Variants in AP2M1 observed in about 807,000 individuals in gnomAD.
The protein encoded by AP2M1 is adaptor related protein complex 2 subunit mu 1, also known as AP-2 complex subunit mu.
Under a neutral mutation model 54.5 loss-of-function variants are expected in AP2M1, and 5 were observed. That is an observed-to-expected ratio of 0.09 (90% CI 0.05 to 0.19). AP2M1 has a LOEUF of 0.19. Among genes scored for constraint, AP2M1 ranks in the 10% least tolerant of loss-of-function variants. The probability of loss-of-function intolerance (pLI) is 1.00; values close to 1 mark genes in which losing one functional copy is unlikely to be tolerated. For synonymous variants in AP2M1, 186 were observed against 208.2 expected (o/e 0.89, Z 0.92); for missense variants, 178 against 580.2 (o/e 0.31, Z 7.12).
intron 1 of AP2M1, chr3:184,175,201 A>G (rs907874819): frequency 2.3e-5 from 9 of 386,918 alleles, no homozygotes; most frequent in African/African-American, 1.2e-4. Context: ...TGAGAGGGAT[A>G]CCGCTTGGAA....
rs1468616148 is a variant in AP2M1, at chr3:184,178,182, G to A, written c.75-675G>A. On this transcript the variant is annotated intron_variant, in intron 2 of 11. Coordinates refer to ENST00000292807, the MANE Select transcript of AP2M1 (RefSeq NM_004068.4). The surrounding 1 kb of genome is among the most constrained non-coding windows in gnomAD (Gnocchi z 4.9). ...CTATCACTCTCCTCTTCTTGCTGGC[G>A]TCATTTCTCTCATCCCATCTCATTG... 1.2e-5 allele frequency: 19 copies of A among 1,534,724 alleles called. No individual in the cohort carries two copies. The highest frequency in any genetic ancestry group is 4.1e-5 in the African/African-American group (3 of 73,022).
At position 184,180,091 on chromosome 3, in the gene AP2M1, G is replaced by A. The variant is rs146286871; in HGVS notation, c.341-78G>A. On this transcript the variant is annotated intron_variant, in intron 3 of 11. Transcript: ENST00000292807. The surrounding 1 kb of genome is among the most constrained non-coding windows in gnomAD (Gnocchi z 4.9). The stretch of plus-strand genomic sequence containing the variant: ...CCACATGGGCTTTGGGAGCTGTGCC[G>A]GTCAGATGTGTAGGCCCAAGTAGGG... 8.7e-6 allele frequency: 12 copies of A among 1,381,622 alleles called. No individual in the cohort carries two copies. Among genetic ancestry groups the A allele is most frequent in the South Asian group, 2.4e-5 (2 of 84,568 alleles). The allele number at this position is 1,381,622 out of a possible 1,614,324, so 85.6% of individuals were successfully genotyped here.
Position 184,182,292 on chromosome 3 carries a change from A to T in AP2M1, c.1061+44A>T. The T allele has an allele frequency of 6.3e-7, 1 of 1,588,864 alleles. No individual in the cohort carries two copies. The highest frequency in any genetic ancestry group is 8.6e-7 in the Non-Finnish European group (1 of 1,164,030). On this transcript the variant is annotated intron_variant, in intron 10 of 11. Transcript: ENST00000292807. This position sits in a 1 kb window ranked among gnomAD's most constrained non-coding sequence, Gnocchi z 5.5. ...AGGCCACAGCAGGGCTCAAGATCCC[A>T]GTATACCCTCTTGTTTTCAGCTTTG...
At chr3:184,175,759 C>T (rs1046094598) in intron 1 of AP2M1, among the ~76,000 whole-genome samples, 1 of 152,136 alleles carries the variant, frequency 6.6e-6, no homozygotes, top group African/African-American at 2.4e-5. Flanking sequence ...GTGCCCTTCG[C>T]TACCTACCAC....
In AP2M1 at chr3:184,181,685, CCT is replaced by C. The variant is rs1715278658; in HGVS notation, c.708-10_708-9del. The C allele has an allele frequency of 6.2e-7, 1 of 1,613,536 alleles. No individual in the cohort carries two copies. Among genetic ancestry groups the C allele is most frequent in the African/African-American group, 1.3e-5 (1 of 74,914 alleles). On this transcript the variant is annotated splice_polypyrimidine_tract_variant and intron_variant, in intron 7 of 11. Transcript: ENST00000292807. The surrounding 1 kb of genome is among the most constrained non-coding windows in gnomAD (Gnocchi z 5.7). ...CTGTACCAATGAGACCTCTTCTGCC[CCT>C]GCTTGCAGCGGGAAGCAATCAATTG...
rs1006265324 is a variant in AP2M1 at position 184,182,241 on chromosome 3, G to A, written c.1054G>A (p.Val352Met). The A allele has an allele frequency of 3.1e-6, 5 of 1,613,902 alleles. No individual in the cohort carries two copies. Among genetic ancestry groups the A allele is most frequent in the Non-Finnish European group, 4.2e-6 (5 of 1,179,986 alleles). The change falls in exon 10 of 12, where the codon GTG becomes ATG. Residue 352 changes from valine to methionine, a missense_variant. Physicochemically the swap from Val to Met is conservative, Grantham distance 21. Around this residue, in one of 5 missense-constraint regions of AP2M1, gnomAD observed 59 missense variants for 176.8 expected, o/e 0.33. Transcript: ENST00000292807. The surrounding 1 kb of genome is among the most constrained non-coding windows in gnomAD (Gnocchi z 5.5). ...GTACAAGGCCAGCGAGAATGCCATC[G>A]TGTGGAAGTGAGTCTTTCCTTCATT... ...AKYKASENAI[V>M]WKIKRMAGMK...
rs1560125973 is a variant in AP2M1 at position 184,178,950 on chromosome 3, C to G, written c.168C>G (p.Phe56Leu). Residue 56 changes from phenylalanine (F) to leucine (L), a missense_variant, in exon 3 of 12, where the codon TTC (phenylalanine) becomes TTG (leucine). Coordinates refer to ENST00000292807, the MANE Select transcript of AP2M1 (RefSeq NM_004068.4). The surrounding 1 kb of genome is among the most constrained non-coding windows in gnomAD (Gnocchi z 4.9). ...CCAACATTGCTCGCACCAGCTTCTT[C>G]CACGTTAAGCGGTCCAACATTTGGC... ...PVTNIARTSF[F>L]HVKRSNIWLA... 6.2e-7 allele frequency: 1 copy of G among 1,614,078 alleles called. No homozygotes were observed. Among genetic ancestry groups the G allele is most frequent in the Non-Finnish European group, 8.5e-7 (1 of 1,180,042 alleles).
At chr3:184,177,528 T>C in intron 2 of AP2M1, 1 of 1,535,568 alleles carries the variant, frequency 6.5e-7, no homozygotes, top group South Asian at 1.2e-5. Context: ...AATCCTCTCC[T>C]GCTCCCTTTC....
chr3:184,177,182 T>C, intron 2 of AP2M1, 115 bp downstream of exon 2: 4 of 1,051,654 alleles, frequency 3.8e-6, no homozygotes, highest in African/African-American at 1.6e-5. Flanking sequence ...GACCCCTGGC[T>C]GCACCCTGGA....
chr3:184,176,686 G>T, intron 1 of AP2M1: 2 of 453,418 alleles, frequency 4.4e-6, no homozygotes, highest in Non-Finnish European at 3.9e-6. Flanking sequence ...GGGGGCGGGG[G>T]TTACTGATGC....
chr3:184,176,891 C>A, intron 1 of AP2M1, 60 bp from the exon 2 acceptor site: 4 of 1,247,408 alleles, frequency 3.2e-6, no homozygotes, highest in Non-Finnish European at 4.5e-6. Context: ...TGCACAGCTC[C>A]ACAGGGGATG....
In AP2M1 at chr3:184,183,287, T is replaced by G; in HGVS notation, c.1174-195T>G. On this transcript the variant is annotated intron_variant, in intron 11 of 11. Transcript: ENST00000292807. The surrounding 1 kb of genome is among the most constrained non-coding windows in gnomAD (Gnocchi z 5.7). ...GCTGTCTCCTGCTGATTAAAGGAAC[T>G]GATTCAAGGTGTCACAGGTAGGGCT... The G allele has an allele frequency of 2.9e-6, 2 of 687,656 alleles. No homozygotes were observed. The highest frequency in any genetic ancestry group is 4.8e-6 in the Non-Finnish European group (2 of 412,376). The allele number at this position is 687,656 out of a possible 1,614,324, so 42.6% of individuals were successfully genotyped here. A position where few individuals can be genotyped will look rare whatever the true frequency, so the allele number is the denominator to read the frequency against.
intron 2 of AP2M1, chr3:184,177,470 T>TA: frequency 4.3e-6 from 6 of 1,408,938 alleles, no homozygotes; most frequent in Non-Finnish European, 5.8e-6. Flanking sequence ...GCCCTTCCCA[T>TA]ATCAAACGCC....
At chr3:184,179,295 C>A in intron 3 of AP2M1, 173 bp downstream of exon 3, 1 of 781,864 alleles carries the variant, frequency 1.3e-6, no homozygotes, top group Non-Finnish European at 2.0e-6. Flanking sequence ...AGTTCACATC[C>A]AGACCTGAAG....
intron 1 of AP2M1, 193 bp downstream of exon 1, chr3:184,175,152 GGAGCGGT>G: frequency 5.1e-6 from 2 of 395,004 alleles, no homozygotes; most frequent in Non-Finnish European, 8.9e-6. Flanking sequence ...GGGCTGGCGG[GGAGCGGT>G]GCCCTCCACC....
Position 184,180,492 on chromosome 3 carries a change from G to A in AP2M1, c.424-153G>A. ...AAGCAGTTTCCTTTTGCACTGAGGG[G>A]TGGGGGAGGAGGCCTGGTCTTGAGG... On this transcript the variant is annotated intron_variant, in intron 4 of 11. Transcript: ENST00000292807. The surrounding 1 kb of genome is among the most constrained non-coding windows in gnomAD (Gnocchi z 4.9). The A allele has an allele frequency of 2.4e-6, 3 of 1,259,962 alleles. No homozygotes were observed. Among genetic ancestry groups the A allele is most frequent in the South Asian group, 1.4e-5 (1 of 72,742 alleles). 78.0% of individuals were successfully genotyped at this position (1,259,962 alleles called of 1,614,324 possible). A position where few individuals can be genotyped will look rare whatever the true frequency, so the allele number is the denominator to read the frequency against.
chr3:184,177,124 A>G (rs1715100174), intron 2 of AP2M1, 57 bp downstream of exon 2: 1 of 1,547,082 alleles, frequency 6.5e-7, no homozygotes, highest in Non-Finnish European at 8.8e-7. Context: ...CAGCCCCAGC[A>G]TACAGGATTA....
In AP2M1 at chr3:184,182,002, C is replaced by A. The variant is rs754512906; in HGVS notation, c.918C>A (p.Val306=). 6.2e-7 allele frequency: 1 copy of A among 1,614,138 alleles called. No individual in the cohort carries two copies. The highest frequency in any genetic ancestry group is 1.1e-5 in the South Asian group (1 of 91,060). ...VGRTKLEVKV[V]IKSNFKPSLL... ...GCACCAAACTGGAGGTCAAGGTGGTCATCAAGTCCAACTTTAAACCCTCAC... is the reference window on the plus strand; with the variant it reads ...GCACCAAACTGGAGGTCAAGGTGGTAATCAAGTCCAACTTTAAACCCTCAC... The change falls in exon 9 of 12, where the codon GTC becomes GTA. Residue 306 remains valine (V), a synonymous_variant. Coordinates refer to ENST00000292807, the MANE Select transcript of AP2M1 (RefSeq NM_004068.4). The surrounding 1 kb of genome is among the most constrained non-coding windows in gnomAD (Gnocchi z 5.5).
intron 2 of AP2M1, chr3:184,177,896 C>T (rs1715129345): frequency 1.7e-6 from 1 of 595,438 alleles, no homozygotes; most frequent in Admixed American, 3.0e-5. Flanking sequence ...ATTTGGCTCC[C>T]TGGCTGATGG....
Sources: allele counts gnomAD v4.1 joint callset (sites outside exome capture counted in the v4.1 genomes callset), GRCh38; gene constraint gnomAD v4.1.1; regional missense constraint gnomAD v4.1.1; non-coding constraint Gnocchi (gnomAD v3.1); transcripts MANE v1.5; gene names NCBI Gene and HGNC (gene_info 2026-07-23, HGNC 2026-07-21).